The following HS6ST3 variants were observed in gnomAD, a reference collection of about 807,000 sequenced individuals.
The protein encoded by HS6ST3 is heparan sulfate 6-O-sulfotransferase 3, also known as heparan-sulfate 6-O-sulfotransferase 3.
A neutral mutation model predicts 36.7 loss-of-function variants in HS6ST3; 12 were observed. That is an observed-to-expected ratio of 0.33 (90% confidence interval 0.21 to 0.53). The LOEUF is 0.53. Ranked by LOEUF, HS6ST3 falls within the 20% of genes least tolerant of loss-of-function variation. The pLI is 0.95. For synonymous variants in HS6ST3, 240 were observed against 257.5 expected (o/e 0.93, Z 0.65); for missense variants, 584 against 640.9 (o/e 0.91, Z 0.96).
chr13:96,166,575 CTTTTTTT>C (rs765190619), intron 1 of HS6ST3, among the ~76,000 whole-genome samples: 34 of 131,572 alleles, frequency 2.6e-4, no homozygotes, highest in Middle Eastern at 4.3e-3. Flanking sequence ...TTCTTTCTTT[CTTTTTTT>C]TTTTTTTTTT....
At chr13:96,599,324 A>G (rs1395626974) in intron 1 of HS6ST3, among the ~76,000 whole-genome samples, 7 of 151,988 alleles carry the variant, frequency 4.6e-5, no homozygotes, top group Admixed American at 4.6e-4. Context: ...ACTGCTTGTT[A>G]TCAGTCTGTT....
chr13:96,280,016 G>A (rs1219986718), intron 1 of HS6ST3, among the ~76,000 whole-genome samples: 1 of 152,182 alleles, frequency 6.6e-6, no homozygotes, highest in South Asian at 2.1e-4. Context: ...GGCTTCAACT[G>A]TATGTGGACA....
chr13:96,176,885 T>C (rs1457416861), intron 1 of HS6ST3, among the ~76,000 whole-genome samples: 1 of 152,168 alleles, frequency 6.6e-6, no homozygotes, highest in Non-Finnish European at 1.5e-5. Context: ...GACAAAGGTC[T>C]AATATCCAGC....
chr13:96,289,850 G>A (rs975961726), intron 1 of HS6ST3, among the ~76,000 whole-genome samples: 2 of 152,112 alleles, frequency 1.3e-5, no homozygotes. Context: ...TATCTGTGAG[G>A]TGCAAACCCA....
At chr13:96,104,625 A>G (rs530335491) in intron 1 of HS6ST3, among the ~76,000 whole-genome samples, 7 of 152,336 alleles carry the variant, frequency 4.6e-5, no homozygotes, top group Admixed American at 1.3e-4. Flanking sequence ...CTTGCAATAT[A>G]GTCCACTATC....
chr13:96,614,157 G>C (rs1215888811), intron 1 of HS6ST3, among the ~76,000 whole-genome samples: 2 of 151,874 alleles, frequency 1.3e-5, no homozygotes, highest in Middle Eastern at 3.4e-3. Context: ...AATTAGCCGG[G>C]AGTGGTGATG....
At chr13:96,555,789 C>A (rs961405139) in intron 1 of HS6ST3, among the ~76,000 whole-genome samples, 1 of 151,308 alleles carries the variant, frequency 6.6e-6, no homozygotes, top group Admixed American at 6.6e-5. Context: ...TTAATAAAGA[C>A]TCTTTAAACA....
chr13:96,456,764 A>G (rs749452535), intron 1 of HS6ST3, among the ~76,000 whole-genome samples: 8 of 152,134 alleles, frequency 5.3e-5, no homozygotes, highest in Non-Finnish European at 1.0e-4. Flanking sequence ...TGTGGAATTT[A>G]TAAAACTTTA....
At chr13:96,549,570 T>C (rs1416842935) in intron 1 of HS6ST3, among the ~76,000 whole-genome samples, 1 of 152,234 alleles carries the variant, frequency 6.6e-6, no homozygotes, top group Non-Finnish European at 1.5e-5. Flanking sequence ...TTATAAATTA[T>C]AGTCAAAGGT....
chr13:96,711,767 T>C (rs1333813454), intron 1 of HS6ST3, among the ~76,000 whole-genome samples: 13 of 152,244 alleles, frequency 8.5e-5, no homozygotes, highest in Admixed American at 8.5e-4. Flanking sequence ...ATTTCGGACT[T>C]TCCACGTGTT....
At chr13:96,249,742 A>G (rs1003286136) in intron 1 of HS6ST3, among the ~76,000 whole-genome samples, 4 of 152,206 alleles carry the variant, frequency 2.6e-5, no homozygotes, top group African/African-American at 9.6e-5. Flanking sequence ...ATATATACAC[A>G]CAATGGAATA....
At chr13:96,480,223 T>C (rs781039494) in intron 1 of HS6ST3, among the ~76,000 whole-genome samples, 3 of 152,108 alleles carry the variant, frequency 2.0e-5, no homozygotes, top group Non-Finnish European at 4.4e-5. Flanking sequence ...AAGCGATTCT[T>C]CTGCCTCAGC....
chr13:96,528,549 A>T (rs1271185476), intron 1 of HS6ST3, among the ~76,000 whole-genome samples: 1 of 152,212 alleles, frequency 6.6e-6, no homozygotes, highest in African/African-American at 2.4e-5. Flanking sequence ...TGCATAACTC[A>T]ATGAACCTAT....
chr13:96,261,040 GAAC>G (rs1161683943), intron 1 of HS6ST3, among the ~76,000 whole-genome samples: 1 of 152,008 alleles, frequency 6.6e-6, no homozygotes, highest in African/African-American at 2.4e-5. Flanking sequence ...GGAATCATAA[GAAC>G]AACAATTCAT....
intron 1 of HS6ST3, among the ~76,000 whole-genome samples, chr13:96,262,491 T>A (rs2054671199): frequency 6.6e-6 from 1 of 152,202 alleles, no homozygotes; most frequent in South Asian, 2.1e-4. Context: ...TTGTAATTGT[T>A]CCTTTACATA....
At chr13:96,105,151 A>G (rs2053835874) in intron 1 of HS6ST3, among the ~76,000 whole-genome samples, 1 of 152,036 alleles carries the variant, frequency 6.6e-6, no homozygotes, top group African/African-American at 2.4e-5. Context: ...GAGACTAGAC[A>G]TAGGATCAGA....
At chr13:96,124,193 C>T (rs565756685) in intron 1 of HS6ST3, among the ~76,000 whole-genome samples, 2 of 152,128 alleles carry the variant, frequency 1.3e-5, no homozygotes, top group Non-Finnish European at 2.9e-5. Context: ...GCTTATTACT[C>T]TCTTGATGGC....
intron 1 of HS6ST3, among the ~76,000 whole-genome samples, chr13:96,746,795 G>A (rs1876573288): frequency 6.6e-6 from 1 of 152,006 alleles, no homozygotes; most frequent in African/African-American, 2.4e-5. Flanking sequence ...TTTCTAAAGT[G>A]ATTTTAGGAA....
chr13:96,196,737 G>A (rs1000417316), intron 1 of HS6ST3, among the ~76,000 whole-genome samples: 2 of 152,134 alleles, frequency 1.3e-5, no homozygotes, highest in Admixed American at 1.3e-4. Flanking sequence ...AACCACGGAG[G>A]GACCTTTCTG....
Sources: allele counts gnomAD v4.1 joint callset (sites outside exome capture counted in the v4.1 genomes callset), GRCh38; gene constraint gnomAD v4.1.1; transcripts MANE v1.5; gene names NCBI Gene and HGNC (gene_info 2026-07-23, HGNC 2026-07-21).